Variants in CCDC3 observed in about 807,000 individuals in gnomAD.
CCDC3 encodes coiled-coil domain containing 3.
CCDC3 carries 24 observed loss-of-function variants against 21.4 expected under a neutral mutation model. That is an observed-to-expected ratio of 1.12 (90% CI 0.81 to 1.58). The LOEUF is 1.58. Ranked by LOEUF, CCDC3 falls within the 40% of genes most tolerant of loss-of-function variation. The pLI is 0.00. For synonymous variants in CCDC3, 186 were observed against 166.0 expected (o/e 1.12, Z -0.93); for missense variants, 425 against 360.9 (o/e 1.18, Z -1.44).
At chr10:12,990,344 C>A (rs186010820) in intron 2 of CCDC3, among the ~76,000 whole-genome samples, 27 of 151,488 alleles carry the variant, frequency 1.8e-4, no homozygotes, top group Middle Eastern at 3.5e-3. Flanking sequence ...ATTGTTAATA[C>A]ATGCAAGTGT....
At chr10:13,032,373 C>T (rs1408383833) in intron 5 of CCDC3, among the ~76,000 whole-genome samples, 1 of 152,178 alleles carries the variant, frequency 6.6e-6, no homozygotes, top group Non-Finnish European at 1.5e-5. Flanking sequence ...GACAAACCCA[C>T]AGCCAGTATC....
intron 2 of CCDC3, among the ~76,000 whole-genome samples, chr10:12,933,454 C>CTTTTTTTTTTTTTTTTTTTTTTTTTTT (rs545950029): frequency 8.6e-6 from 1 of 115,830 alleles, no homozygotes. Flanking sequence ...ATAATATTCC[C>CTTTTTTTTTTTTTTTTTTTTTTTTTTT]TTTATTTTTT....
At chr10:12,973,293 G>A (rs960902170) in intron 2 of CCDC3, among the ~76,000 whole-genome samples, 2 of 152,120 alleles carry the variant, frequency 1.3e-5, no homozygotes, top group African/African-American at 2.4e-5. Context: ...ACCCAGCCAC[G>A]TGTCCCAGGT....
chr10:12,928,980 G>A (rs886152243), intron 2 of CCDC3, among the ~76,000 whole-genome samples: 4 of 152,106 alleles, frequency 2.6e-5, no homozygotes, highest in Non-Finnish European at 5.9e-5. Context: ...AGGATTAATT[G>A]AAAGTTCAGC....
chr10:13,071,858 T>A (rs1268642103), intron 4 of CCDC3, among the ~76,000 whole-genome samples: 1 of 151,298 alleles, frequency 6.6e-6, no homozygotes, highest in East Asian at 1.9e-4. Flanking sequence ...TTCTTTTTCC[T>A]TTTTTTTTCC....
At chr10:13,040,088 C>T (rs943713639) in intron 5 of CCDC3, among the ~76,000 whole-genome samples, 4 of 151,984 alleles carry the variant, frequency 2.6e-5, no homozygotes, top group African/African-American at 9.7e-5. Flanking sequence ...AAAGCCCAGT[C>T]ACAAAGGCAT....
chr10:12,948,250 G>T (rs1289136389), intron 2 of CCDC3, among the ~76,000 whole-genome samples: 1 of 151,912 alleles, frequency 6.6e-6, no homozygotes, highest in African/African-American at 2.4e-5. Flanking sequence ...CCATAATTGT[G>T]AGGCCTCCCC....
At chr10:13,090,034 G>GATAGAT (rs1259341208) in intron 3 of CCDC3, among the ~76,000 whole-genome samples, 2 of 129,164 alleles carry the variant, frequency 1.5e-5, no homozygotes, top group African/African-American at 6.1e-5. Flanking sequence ...TATTCCGTTA[G>GATAGAT]ATATATATAT....
intron 5 of CCDC3, among the ~76,000 whole-genome samples, chr10:13,038,776 A>G (rs1175627812): frequency 6.6e-6 from 1 of 152,194 alleles, no homozygotes; most frequent in African/African-American, 2.4e-5. Flanking sequence ...CTTGGCAGGG[A>G]GCATCTTGCT....
chr10:12,920,529 C>T (rs1834434591), intron 2 of CCDC3, among the ~76,000 whole-genome samples: 1 of 152,184 alleles, frequency 6.6e-6, no homozygotes, highest in Admixed American at 6.5e-5. Context: ...TCACTTCATT[C>T]TGGTGAGGGA....
intron 3 of CCDC3, among the ~76,000 whole-genome samples, chr10:13,082,246 C>A (rs1837048758): frequency 6.6e-6 from 1 of 152,202 alleles, no homozygotes; most frequent in African/African-American, 2.4e-5. Flanking sequence ...GGAGTGTGAG[C>A]CATCTCCAAT....
intron 4 of CCDC3, among the ~76,000 whole-genome samples, chr10:13,054,995 G>A (rs1836662786): frequency 6.6e-6 from 1 of 152,158 alleles, no homozygotes; most frequent in Admixed American, 6.6e-5. Context: ...ATGATTCTGA[G>A]GGTGCACTGA....
At chr10:12,947,674 G>A (rs1406841185) in intron 2 of CCDC3, among the ~76,000 whole-genome samples, 1 of 152,220 alleles carries the variant, frequency 6.6e-6, no homozygotes, top group Non-Finnish European at 1.5e-5. Flanking sequence ...GGACAAACAG[G>A]AGATACTCAG....
intron 2 of CCDC3, among the ~76,000 whole-genome samples, chr10:12,951,938 G>A (rs1835015283): frequency 1.3e-5 from 2 of 151,182 alleles, no homozygotes; most frequent in Admixed American, 6.6e-5. Flanking sequence ...TATGTCTCTT[G>A]TGCATTCACC....
intron 2 of CCDC3, among the ~76,000 whole-genome samples, chr10:12,919,133 G>A (rs1053357162): frequency 6.6e-6 from 1 of 152,120 alleles, no homozygotes; most frequent in South Asian, 2.1e-4. Context: ...TTTTTAAAAT[G>A]CCCACATAAT....
At chr10:12,941,171 G>A (rs12247293) in intron 2 of CCDC3, among the ~76,000 whole-genome samples, 19,295 of 152,162 alleles carry the variant, frequency 0.13, 1,752 homozygotes, top group East Asian at 0.43. Context: ...GTGGTGACGA[G>A]AGTGTCCTCT....
intron 2 of CCDC3, among the ~76,000 whole-genome samples, chr10:12,983,501 G>T (rs1241273005): frequency 1.3e-5 from 2 of 151,288 alleles, no homozygotes; most frequent in African/African-American, 2.4e-5. Context: ...AGCCTGGGAG[G>T]TAGAGGTTGC....
chr10:13,007,866 T>A (rs1000084630), intron 5 of CCDC3, among the ~76,000 whole-genome samples: 1 of 152,182 alleles, frequency 6.6e-6, no homozygotes, highest in Non-Finnish European at 1.5e-5. Context: ...TCTAAAAGTC[T>A]TTAGCTGGGG....
At chr10:13,080,184 G>C (rs558803902) in intron 3 of CCDC3, among the ~76,000 whole-genome samples, 1 of 151,874 alleles carries the variant, frequency 6.6e-6, no homozygotes, top group Non-Finnish European at 1.5e-5. Context: ...GAGAGGAAAC[G>C]GGATGGCAAA....
Sources: gnomAD v4.1 joint callset for allele counts (sites outside exome capture counted in the v4.1 genomes callset) on GRCh38, gnomAD v4.1.1 for gene constraint, MANE v1.5 for transcripts, NCBI Gene and HGNC (gene_info 2026-07-23, HGNC 2026-07-21) for gene names.